Variants in PIEZO1 observed in about 807,000 individuals in gnomAD.
The protein encoded by PIEZO1 is piezo type mechanosensitive ion channel component 1 (Er blood group).
In PIEZO1, 296 loss-of-function variants were observed where a neutral mutation model predicts 297.2. The ratio of observed to expected loss-of-function variants is 1.00; its 90% CI spans 0.91 to 1.10. The LOEUF (loss-of-function observed/expected upper bound fraction) is 1.10, where lower values mean the gene tolerates loss of function less well. Ranked by LOEUF, PIEZO1 falls within the 50% of genes least tolerant of loss-of-function variation. PIEZO1 has a pLI of 0.00. For synonymous variants in PIEZO1, 2,427 were observed against 1,507.5 expected (o/e 1.61, Z -14.13); for missense variants, 5,018 against 3,455.5 (o/e 1.45, Z -11.34).
intron 19 of PIEZO1, 142 bp from the exon 20 acceptor site, chr16:88,732,874 C>A: frequency 1.2e-5 from 10 of 825,776 alleles, no homozygotes; most frequent in Non-Finnish European, 1.9e-5. Flanking sequence ...TTGGAGCCAC[C>A]TTCACGGGGA....
chr16:88,767,678 T>C (rs1390213637), intron 1 of PIEZO1, among the ~76,000 whole-genome samples: 1 of 152,118 alleles, frequency 6.6e-6, no homozygotes, highest in East Asian at 1.9e-4. Context: ...GTCCCCTGGC[T>C]CAGAGGAACC....
chr16:88,749,573 C>T, intron 1 of PIEZO1, 94 bp from the exon 2 acceptor site: 1 of 961,062 alleles, frequency 1.0e-6, no homozygotes, highest in Non-Finnish European at 1.5e-6. Flanking sequence ...CGTCACACCG[C>T]CGAGGCCGTG....
rs1908114771 is a variant in PIEZO1 at position 88,784,955 on chromosome 16, G to A, written c.10C>T (p.His4Tyr). Residue 4 changes from histidine (H) to tyrosine (Y), a missense_variant, in exon 1 of 51, where the codon CAC (histidine) becomes TAC (tyrosine). His to Tyr is a moderately conservative substitution (Grantham distance 83). Coordinates refer to ENST00000301015, the MANE Select transcript of PIEZO1 (RefSeq NM_001142864.4). The part of the protein sequence containing the change: MEP[H>Y]VLGAVLYWLL... ...CAGTACAGGACCGCGCCGAGCACGT[G>A]CGGCTCCATGGCTGGAGGGCCCAGG... 6 of 1,377,020 alleles carry A rather than the reference G, an allele frequency of 4.4e-6. No homozygotes were observed. The highest frequency in any genetic ancestry group is 2.6e-5 in the Admixed American group (1 of 38,078). 85.3% of individuals were successfully genotyped at this position (1,377,020 alleles called of 1,614,324 possible). A position where few individuals can be genotyped will look rare whatever the true frequency, so the allele number is the denominator to read the frequency against.
rs1178021816 is a variant in PIEZO1 at position 88,719,822 on chromosome 16, G to T, written c.6303C>A (p.Leu2101=). The change falls in exon 43 of 51, where the codon CTC becomes CTA. Residue 2101 remains leucine, a synonymous_variant. Transcript: ENST00000301015. Reference sequence around the variant, plus strand: ...CTCACCCCTGGAAGAGGAAGAGGTTGAGATGATTGTACTTCTTGGTGAGGA... The same window carrying T: ...CTCACCCCTGGAAGAGGAAGAGGTTTAGATGATTGTACTTCTTGGTGAGGA... ...GNFLTKKYNH[L]NLFLFQGFRL... 3.2e-6 allele frequency: 5 copies of T among 1,550,466 alleles called. No individual in the cohort carries two copies. Among genetic ancestry groups the T allele is most frequent in the Non-Finnish European group, 2.6e-6 (3 of 1,146,960 alleles).
intron 1 of PIEZO1, among the ~76,000 whole-genome samples, chr16:88,772,190 G>A (rs1907455950): frequency 6.6e-6 from 1 of 152,226 alleles, no homozygotes; most frequent in Non-Finnish European, 1.5e-5. Context: ...GACCATCCCT[G>A]GTGCCATTGA....
chr16:88,723,401 A>G, intron 31 of PIEZO1, 73 bp from the exon 32 acceptor site: 1 of 1,505,576 alleles, frequency 6.6e-7, no homozygotes, highest in Non-Finnish European at 8.9e-7. Context: ...GGGGTTGGGC[A>G]AGCCGGGCGC....
chr16:88,771,608 C>T (rs896465726), intron 1 of PIEZO1, among the ~76,000 whole-genome samples: 1 of 152,228 alleles, frequency 6.6e-6, no homozygotes, highest in Non-Finnish European at 1.5e-5. Flanking sequence ...GCGGAGGTCC[C>T]AAGCTAGCCA....
chr16:88,777,607 T>C (rs1314775917), intron 1 of PIEZO1, among the ~76,000 whole-genome samples: 2 of 152,244 alleles, frequency 1.3e-5, no homozygotes, highest in African/African-American at 2.4e-5. Flanking sequence ...GCTTCCCTTT[T>C]CAAAACTCCC....
rs1319340032 is a variant in PIEZO1, at chr16:88,734,487, G to A, written c.2049C>T (p.Ser683=). The A allele has an allele frequency of 6.5e-7, 1 of 1,549,312 alleles. No homozygotes were observed. The highest frequency in any genetic ancestry group is 1.4e-5 in the African/African-American group (1 of 73,046). ...EQFSVSELFS[S]ILVPGFFLLA... ...GGAGGAAGAAGCCGGGCACCAGGATGCTGGAGAAGAGCTCGGACACGCTGA... is the reference window on the plus strand; with the variant it reads ...GGAGGAAGAAGCCGGGCACCAGGATACTGGAGAAGAGCTCGGACACGCTGA... Residue 683 remains serine (S), a synonymous_variant, in exon 16 of 51, where the codon AGC becomes AGT. Coordinates refer to ENST00000301015, the MANE Select transcript of PIEZO1 (RefSeq NM_001142864.4).
rs1555556724 is a variant in PIEZO1, at chr16:88,737,523, C to CG, written c.1195+35dup. ...CAGCACCGGCCTCCGCCCCGCCCCC[C>CG]GCACCCAGCCATACCTTGCAGTGTG... On this transcript the variant is annotated intron_variant, in intron 10 of 50. Coordinates refer to ENST00000301015, the MANE Select transcript of PIEZO1 (RefSeq NM_001142864.4). 24 of 1,438,202 alleles carry CG rather than the reference C, an allele frequency of 1.7e-5. 1 individual carries two copies. In the South Asian group the frequency reaches 2.5e-4, roughly 15 times the overall value. The allele number at this position is 1,438,202 out of a possible 1,614,324, so 89.1% of individuals were successfully genotyped here.
intron 1 of PIEZO1, among the ~76,000 whole-genome samples, chr16:88,756,852 A>G (rs1427093108): frequency 4.6e-5 from 7 of 152,132 alleles, no homozygotes; most frequent in East Asian, 1.9e-4. Flanking sequence ...CGAGGCGGGC[A>G]GATCAGAAGG....
At chr16:88,747,948 C>A (rs989423007) in intron 2 of PIEZO1, among the ~76,000 whole-genome samples, 1 of 152,202 alleles carries the variant, frequency 6.6e-6, no homozygotes, top group East Asian at 1.9e-4. Flanking sequence ...AGCAGATCCT[C>A]CCCAGAGTCC....
chr16:88,723,044 G>C (rs1411472524), intron 33 of PIEZO1, 35 bp from the exon 34 acceptor site: 9 of 1,543,252 alleles, frequency 5.8e-6, no homozygotes, highest in African/African-American at 5.5e-5. Context: ...TGGAGGGGCA[G>C]CCTGTGGGGC....
rs774767994 is a variant in PIEZO1 at position 88,738,454 on chromosome 16, G to C, written c.635-14C>G. 5.9e-6 allele frequency: 9 copies of C among 1,533,598 alleles called. No homozygotes were observed. Among genetic ancestry groups the C allele is most frequent in the Admixed American group, 3.9e-5 (2 of 50,974 alleles). 95.0% of individuals were successfully genotyped at this position (1,533,598 alleles called of 1,614,324 possible). On this transcript the variant is annotated splice_polypyrimidine_tract_variant and intron_variant, in intron 6 of 50. Coordinates refer to ENST00000301015, the MANE Select transcript of PIEZO1 (RefSeq NM_001142864.4). ...GGTGGGCGATGCCTGCGGGGCAGGG[G>C]CACACAGGGTGGTACCTGGCCAGTG...
chr16:88,717,299 G>C (rs1391710975), intron 44 of PIEZO1, 88 bp from the exon 45 acceptor site: 1 of 1,251,530 alleles, frequency 8.0e-7, no homozygotes, highest in African/African-American at 1.5e-5. Flanking sequence ...CAGCAGCCCA[G>C]AAAAGCCCCA....
At chr16:88,736,959 C>T (rs1479025964) in intron 10 of PIEZO1, 1 of 455,506 alleles carries the variant, frequency 2.2e-6, no homozygotes, top group East Asian at 3.8e-5. Flanking sequence ...GCCTCACTTT[C>T]CTTGAAAGGG....
intron 2 of PIEZO1, 77 bp from the exon 3 acceptor site, chr16:88,742,499 A>T: frequency 6.9e-7 from 1 of 1,455,568 alleles, no homozygotes; most frequent in South Asian, 1.2e-5. Flanking sequence ...GCCGGACAAT[A>T]GCCCCCAGCC....
intron 1 of PIEZO1, among the ~76,000 whole-genome samples, chr16:88,760,896 G>A (rs1232881064): frequency 6.6e-6 from 1 of 152,240 alleles, no homozygotes; most frequent in African/African-American, 2.4e-5. Flanking sequence ...TCAGTGTCCA[G>A]GAAACTCAGT....
intron 30 of PIEZO1, 59 bp downstream of exon 30, chr16:88,724,950 G>T (rs1284670569): frequency 6.4e-6 from 7 of 1,098,644 alleles, no homozygotes; most frequent in African/African-American, 1.6e-5. Flanking sequence ...CCAGGCAGAG[G>T]ACAGATGGGG....
Sources: allele counts gnomAD v4.1 joint callset (sites outside exome capture counted in the v4.1 genomes callset), GRCh38; gene constraint gnomAD v4.1.1; transcripts MANE v1.5; gene names NCBI Gene and HGNC (gene_info 2026-07-23, HGNC 2026-07-21).